Variants in ATP8A2 observed in about 807,000 individuals in gnomAD.
The protein encoded by ATP8A2 is phospholipid-transporting ATPase IB.
Under a neutral mutation model 165.6 loss-of-function variants are expected in ATP8A2, and 100 were observed. That is an observed-to-expected ratio of 0.60 (90% confidence interval 0.51 to 0.71). The LOEUF (loss-of-function observed/expected upper bound fraction) is 0.71, where lower values mean the gene tolerates loss of function less well. Ranked by LOEUF, ATP8A2 falls within the 30% of genes least tolerant of loss-of-function variation. The pLI is 0.00. For synonymous variants in ATP8A2, 543 were observed against 548.8 expected, an observed-to-expected ratio of 0.99 and a Z score of 0.15; for missense variants, 1,227 against 1,479.5, an observed-to-expected ratio of 0.83 and a Z score of 2.80.
At chr13:25,575,219 C>G (rs1260559861) in intron 19 of ATP8A2, among the ~76,000 whole-genome samples, 1 of 152,200 alleles carries the variant, frequency 6.6e-6, no homozygotes, top group Non-Finnish European at 1.5e-5. Flanking sequence ...GGTCATTCCT[C>G]TTGCTCCATT....
chr13:25,998,533 G>T (rs1956564669), intron 35 of ATP8A2, among the ~76,000 whole-genome samples: 1 of 152,116 alleles, frequency 6.6e-6, no homozygotes, highest in Non-Finnish European at 1.5e-5. Context: ...CCTTTGTCTG[G>T]AGAGAAAAGG....
intron 1 of ATP8A2, among the ~76,000 whole-genome samples, chr13:25,416,619 A>G (rs1315700191): frequency 1.3e-5 from 2 of 152,184 alleles, no homozygotes; most frequent in African/African-American, 2.4e-5. Flanking sequence ...CTTTACACAG[A>G]TTCAAGAACC....
chr13:25,777,758 G>A (rs2044773978), intron 27 of ATP8A2, among the ~76,000 whole-genome samples: 1 of 152,174 alleles, frequency 6.6e-6, no homozygotes, highest in Non-Finnish European at 1.5e-5. Flanking sequence ...AAGATTGTAG[G>A]GAAGAACTGT....
At chr13:25,781,500 G>GT (rs1187124855) in intron 27 of ATP8A2, among the ~76,000 whole-genome samples, 2 of 150,146 alleles carry the variant, frequency 1.3e-5, no homozygotes, top group Admixed American at 1.3e-4. Context: ...TTTTTTGTTT[G>GT]TTTTTTGAGA....
chr13:25,593,139 G>A (rs1240414749), intron 24 of ATP8A2, among the ~76,000 whole-genome samples: 2 of 152,152 alleles, frequency 1.3e-5, no homozygotes, highest in East Asian at 1.9e-4. Flanking sequence ...GATAAAAGCA[G>A]CGTCCTAGCG....
intron 25 of ATP8A2, among the ~76,000 whole-genome samples, chr13:25,709,540 A>G (rs1029252380): frequency 1.3e-5 from 2 of 152,220 alleles, no homozygotes; most frequent in African/African-American, 2.4e-5. Flanking sequence ...CTGAAACAGA[A>G]TAACAATAGT....
intron 24 of ATP8A2, among the ~76,000 whole-genome samples, chr13:25,600,756 G>T (rs529458832): frequency 2.6e-5 from 4 of 152,196 alleles, no homozygotes; most frequent in Non-Finnish European, 5.9e-5. Context: ...TAGAATTCAT[G>T]CAGCATCTTG....
intron 34 of ATP8A2, among the ~76,000 whole-genome samples, chr13:25,967,393 G>A (rs955787701): frequency 2.6e-5 from 4 of 152,136 alleles, no homozygotes; most frequent in Non-Finnish European, 1.5e-5. Flanking sequence ...AGATTAACTC[G>A]GAGTGTCGGG....
At position 26,024,960 on chromosome 13, in the gene ATP8A2, G is replaced by T. The variant is rs188373969; in HGVS notation, c.*4975G>T. The T allele has an allele frequency of 6.6e-6, 1 of 152,038 alleles. No individual in the cohort carries two copies. 9.4% of individuals were successfully genotyped at this position (152,038 alleles called of 1,614,324 possible). A position where few individuals can be genotyped will look rare whatever the true frequency, so the allele number is the denominator to read the frequency against. Reference sequence around the variant, plus strand: ...AGAGCTTATCAAGAGCCTTTTATAGGTAAGCTCTTCCGTGTGAAAGAGAAA... The same window carrying T: ...AGAGCTTATCAAGAGCCTTTTATAGTTAAGCTCTTCCGTGTGAAAGAGAAA... On this transcript the variant is annotated 3_prime_UTR_variant, in exon 37 of 37. Coordinates refer to ENST00000381655, the MANE Select transcript of ATP8A2 (RefSeq NM_016529.6).
chr13:25,549,096 C>T (rs2038738788), intron 10 of ATP8A2, among the ~76,000 whole-genome samples: 2 of 152,246 alleles, frequency 1.3e-5, no homozygotes, highest in African/African-American at 4.8e-5. Flanking sequence ...GCACAAGGTA[C>T]CATTTTTATG....
intron 2 of ATP8A2, among the ~76,000 whole-genome samples, chr13:25,480,605 G>T (rs550028125): frequency 6.6e-6 from 1 of 151,606 alleles, no homozygotes; most frequent in African/African-American, 2.4e-5. Flanking sequence ...GATGGCGGCC[G>T]GGAAGAGGCG....
intron 24 of ATP8A2, among the ~76,000 whole-genome samples, chr13:25,642,724 A>G (rs2041561501): frequency 6.6e-6 from 1 of 152,236 alleles, no homozygotes; most frequent in Admixed American, 6.5e-5. Flanking sequence ...TATATACCCA[A>G]AGGATTATAA....
In ATP8A2 at chr13:25,890,927, G is replaced by A. The variant is rs140520526; in HGVS notation, c.3183+28519G>A. Among the ~76,000 whole-genome samples the A allele has an allele frequency of 2.2e-3, 338 of 152,312 alleles. 2 individuals carry two copies. The highest frequency in any genetic ancestry group is 7.4e-3 in the African/African-American group (306 of 41,572). On this transcript the variant is annotated intron_variant, in intron 33 of 36. Transcript: ENST00000381655. ...TTTGCCAAGTTACAACCCAGAACAC[G>A]TTTTTACAACTCAGCAGTGCTCTGA...
chr13:25,407,378 C>T (rs1213786660), intron 1 of ATP8A2, among the ~76,000 whole-genome samples: 1 of 152,162 alleles, frequency 6.6e-6, no homozygotes, highest in African/African-American at 2.4e-5. Context: ...AAAGTTAAAA[C>T]CCAGCAGACA....
At chr13:25,673,126 T>A (rs2042301047) in intron 24 of ATP8A2, among the ~76,000 whole-genome samples, 1 of 152,320 alleles carries the variant, frequency 6.6e-6, no homozygotes, top group Non-Finnish European at 1.5e-5. Context: ...TAATTCTCCA[T>A]TCAACCCTGC....
chr13:25,842,470 G>T (rs988577349), intron 30 of ATP8A2, among the ~76,000 whole-genome samples: 1 of 152,050 alleles, frequency 6.6e-6, no homozygotes, highest in Non-Finnish European at 1.5e-5. Context: ...ACATCAGTTC[G>T]AGACCAGCCT....
At chr13:25,651,955 T>C (rs4770858) in intron 24 of ATP8A2, among the ~76,000 whole-genome samples, 1 of 151,932 alleles carries the variant, frequency 6.6e-6, no homozygotes, top group Non-Finnish European at 1.5e-5. Context: ...ATTAAAAAAA[T>C]TTTTTTAACA....
chr13:25,634,591 G>T (rs368949661), intron 24 of ATP8A2, among the ~76,000 whole-genome samples: 1 of 152,102 alleles, frequency 6.6e-6, no homozygotes, highest in East Asian at 1.9e-4. Flanking sequence ...AGTTTGAACT[G>T]ATGAAGTTTT....
rs540445211 is a variant in ATP8A2, at chr13:25,600,552, C to A, written c.2211+10853C>A. Among the ~76,000 whole-genome samples the A allele has an allele frequency of 7.0e-4, 107 of 152,288 alleles. 1 individual carries two copies. The highest frequency in any genetic ancestry group is 2.3e-3 in the South Asian group (11 of 4,826). On this transcript the variant is annotated intron_variant, in intron 24 of 36. Coordinates refer to ENST00000381655, the MANE Select transcript of ATP8A2 (RefSeq NM_016529.6). Reference sequence around the variant, plus strand: ...CAGAAGCCAGCGAGCCCTAGAGAGGCTTCAGGTCCATGCCCTGCAGCTTTG... The same window carrying A: ...CAGAAGCCAGCGAGCCCTAGAGAGGATTCAGGTCCATGCCCTGCAGCTTTG...
Sources: allele counts gnomAD v4.1 joint callset (sites outside exome capture counted in the v4.1 genomes callset), GRCh38; gene constraint gnomAD v4.1.1; transcripts MANE v1.5; gene names NCBI Gene and HGNC (gene_info 2026-07-23, HGNC 2026-07-21).